NKAIN2: variants seen among roughly 807,000 people sequenced by gnomAD.
NKAIN2 encodes sodium/potassium transporting ATPase interacting 2.
A neutral mutation model predicts 32.6 loss-of-function variants in NKAIN2; 14 were observed. The observed-to-expected ratio is 0.43, with a 90% confidence interval of 0.28 to 0.67. The LOEUF (loss-of-function observed/expected upper bound fraction) is 0.67, where lower values mean the gene tolerates loss of function less well. Ranked by LOEUF, NKAIN2 falls within the 30% of genes least tolerant of loss-of-function variation. The pLI is 0.17. For synonymous variants in NKAIN2, 80 were observed against 87.2 expected, an observed-to-expected ratio of 0.92 and a Z score of 0.46; for missense variants, 198 against 258.3, an observed-to-expected ratio of 0.77 and a Z score of 1.60.
At chr6:124,393,428 A>T (rs1466196253) in intron 3 of NKAIN2, among the ~76,000 whole-genome samples, 1 of 152,018 alleles carries the variant, frequency 6.6e-6, no homozygotes, top group African/African-American at 2.4e-5. Context: ...AAAGAATTAG[A>T]ATCAGAAGAC....
At chr6:124,287,178 G>A (rs1459766991) in intron 2 of NKAIN2, among the ~76,000 whole-genome samples, 14 of 152,070 alleles carry the variant, frequency 9.2e-5, no homozygotes, top group Non-Finnish European at 4.4e-5. Flanking sequence ...TTAAGATTAT[G>A]AAATTCAAAT....
chr6:124,604,595 GA>G (rs537535028), intron 3 of NKAIN2, among the ~76,000 whole-genome samples: 51 of 149,664 alleles, frequency 3.4e-4, no homozygotes, highest in African/African-American at 1.2e-3. Context: ...ATCTCCACCA[GA>G]AAAAATAAAA....
At chr6:124,059,674 G>A (rs752072632) in intron 1 of NKAIN2, among the ~76,000 whole-genome samples, 1 of 152,118 alleles carries the variant, frequency 6.6e-6, no homozygotes, top group Admixed American at 6.6e-5. Flanking sequence ...TGCTTCAGAG[G>A]TTCCATCCAC....
chr6:124,542,824 T>C (rs1779958527), intron 3 of NKAIN2, among the ~76,000 whole-genome samples: 1 of 152,078 alleles, frequency 6.6e-6, no homozygotes, highest in Non-Finnish European at 1.5e-5. Context: ...CAGTAATGAA[T>C]AAACTAAATA....
At chr6:124,745,635 C>T (rs765241614) in intron 4 of NKAIN2, among the ~76,000 whole-genome samples, 3 of 151,810 alleles carry the variant, frequency 2.0e-5, no homozygotes, top group African/African-American at 4.8e-5. Context: ...CTCTGTTTAA[C>T]CACCAAATCT....
intron 4 of NKAIN2, among the ~76,000 whole-genome samples, chr6:124,720,920 A>C (rs1335079152): frequency 6.6e-6 from 1 of 152,238 alleles, no homozygotes. Flanking sequence ...GATTGTCAAG[A>C]TTATTATATT....
At position 124,361,407 on chromosome 6, in the gene NKAIN2, A is replaced by G. The variant is rs142496292; in HGVS notation, c.273+6060A>G. ...GGCACCATTAGTGAATGGTGTGCCT[A>G]TCTTTAGAAATAAAACAATAAACTT... On this transcript the variant is annotated intron_variant, in intron 3 of 6. Transcript: ENST00000368417. Among the ~76,000 whole-genome samples, 4 of 152,196 alleles carry G rather than the reference A, an allele frequency of 2.6e-5. No homozygotes were observed. In the East Asian group the frequency reaches 5.8e-4, roughly 22 times the overall value.
At chr6:124,523,155 A>AAAT (rs1554220575) in intron 3 of NKAIN2, among the ~76,000 whole-genome samples, 1 of 6,516 alleles carries the variant, frequency 1.5e-4, no homozygotes. Context: ...AAAAAAAAAA[A>AAAT]GAAAAAAGAT....
chr6:124,139,005 C>G (rs1786987367), intron 1 of NKAIN2, among the ~76,000 whole-genome samples: 1 of 150,380 alleles, frequency 6.6e-6, no homozygotes, highest in Non-Finnish European at 1.5e-5. Context: ...GCAACAAAAT[C>G]TCAGAAATCA....
chr6:124,658,233 G>A lies in NKAIN2; in HGVS notation c.321G>A (p.Trp107Ter). The A allele has an allele frequency of 1.2e-6, 2 of 1,613,864 alleles. No individual in the cohort carries two copies. Among genetic ancestry groups the A allele is most frequent in the Non-Finnish European group, 1.7e-6 (2 of 1,179,904 alleles). Residue 107 changes from tryptophan to a stop codon, truncating the protein, a stop_gained, in exon 4 of 7, where the codon TGG (tryptophan) becomes TGA (stop). Transcript: ENST00000368417. LOFTEE classifies it high-confidence loss of function. ...TTAATATATCAATGCACCGATCTTG[G>A]TGGATGGAGAATGGACCAGGATGTA... ...LTFNISMHRSWWMENGPGCTV... is the reference protein window; with the variant it reads ...LTFNISMHRS
intron 4 of NKAIN2, among the ~76,000 whole-genome samples, chr6:124,713,916 C>A (rs771357226): frequency 3.3e-5 from 5 of 152,184 alleles, no homozygotes; most frequent in Non-Finnish European, 5.9e-5. Flanking sequence ...GATTAAAGGA[C>A]CTTCAGTAGT....
At chr6:124,403,327 G>T (rs1297049424) in intron 3 of NKAIN2, among the ~76,000 whole-genome samples, 1 of 151,838 alleles carries the variant, frequency 6.6e-6, no homozygotes, top group Non-Finnish European at 1.5e-5. Flanking sequence ...ATTATATCCA[G>T]CAACATTTCT....
intron 1 of NKAIN2, among the ~76,000 whole-genome samples, chr6:123,950,027 T>A (rs994232663): frequency 6.6e-6 from 1 of 151,910 alleles, no homozygotes; most frequent in African/African-American, 2.4e-5. Flanking sequence ...TTTATCAAAT[T>A]TTTTTGCATC....
chr6:124,177,171 T>A (rs113742434), intron 1 of NKAIN2, among the ~76,000 whole-genome samples: 27 of 152,316 alleles, frequency 1.8e-4, no homozygotes, highest in African/African-American at 6.0e-4. Flanking sequence ...TTACCAGTTT[T>A]AAATTAGGAG....
chr6:124,534,823 T>C (rs1779656779), intron 3 of NKAIN2, among the ~76,000 whole-genome samples: 1 of 152,176 alleles, frequency 6.6e-6, no homozygotes, highest in Admixed American at 6.6e-5. Context: ...TAAGGTCTGT[T>C]TTTAAATTTT....
At chr6:124,678,375 T>C (rs1359999864) in intron 4 of NKAIN2, among the ~76,000 whole-genome samples, 2 of 152,086 alleles carry the variant, frequency 1.3e-5, no homozygotes, top group African/African-American at 2.4e-5. Context: ...GTACCATAAG[T>C]TCCTTAAGCT....
chr6:124,438,818 C>T (rs754080216), intron 3 of NKAIN2, among the ~76,000 whole-genome samples: 1 of 152,150 alleles, frequency 6.6e-6, no homozygotes, highest in Admixed American at 6.6e-5. Context: ...CATTTTCTTT[C>T]CTTGTCTTCT....
At chr6:124,206,268 AT>A (rs1056387718) in intron 1 of NKAIN2, among the ~76,000 whole-genome samples, 3 of 151,864 alleles carry the variant, frequency 2.0e-5, no homozygotes, top group African/African-American at 7.2e-5. Context: ...TTTTTTAGCA[AT>A]CACTGAATTT....
intron 3 of NKAIN2, among the ~76,000 whole-genome samples, chr6:124,602,675 C>A (rs1562279059): frequency 6.6e-6 from 1 of 151,862 alleles, no homozygotes; most frequent in Non-Finnish European, 1.5e-5. Context: ...GTTCTTTGTT[C>A]TACTTTTAAC....
Sources: gnomAD v4.1 joint callset for allele counts (sites outside exome capture counted in the v4.1 genomes callset) on GRCh38, gnomAD v4.1.1 for gene constraint, MANE v1.5 for transcripts, NCBI Gene and HGNC (gene_info 2026-07-23, HGNC 2026-07-21) for gene names.